The following PPP2R5C variants were observed in gnomAD, a reference collection of about 807,000 sequenced individuals.
PPP2R5C encodes the protein serine/threonine-protein phosphatase 2A 56 kDa regulatory subunit gamma isoform.
A neutral mutation model predicts 68.9 loss-of-function variants in PPP2R5C; 7 were observed. The observed-to-expected ratio is 0.10, with a 90% CI of 0.06 to 0.19. The LOEUF (loss-of-function observed/expected upper bound fraction) is 0.19, where lower values mean the gene tolerates loss of function less well. PPP2R5C is among the 10% of genes least tolerant of loss of function. The pLI is 1.00. For missense variants in PPP2R5C, 348 were observed against 641.3 expected (o/e 0.54, Z 4.94); for synonymous variants, 210 against 222.2 (o/e 0.95, Z 0.49).
chr14:101,778,252 A>G (rs766202753), intron 2 of PPP2R5C, among the ~76,000 whole-genome samples: 2 of 151,926 alleles, frequency 1.3e-5, no homozygotes, highest in Non-Finnish European at 1.5e-5. Flanking sequence ...TCCTTTGCCC[A>G]TTTTTTAATC....
intron 1 of PPP2R5C, among the ~76,000 whole-genome samples, chr14:101,852,003 C>T (rs556247836): frequency 2.2e-4 from 34 of 152,222 alleles, no homozygotes; most frequent in East Asian, 9.6e-4. Context: ...CTGTGGTATT[C>T]GCCGTTTAGG....
At position 101,906,760 on chromosome 14, in the gene PPP2R5C, C is replaced by T; in HGVS notation, c.1151+231C>T. On this transcript the variant is annotated intron_variant, in intron 10 of 13. Transcript: ENST00000334743. This position sits in a 1 kb window ranked among gnomAD's most constrained non-coding sequence, Gnocchi z 4.0. The stretch of plus-strand genomic sequence containing the variant: ...GTATAGAGGCACATTGGTTTGCAGC[C>T]ACCTCCCAGTAGCAGCAGTTTCTAG... The T allele has an allele frequency of 2.0e-6, 1 of 487,970 alleles. No individual in the cohort carries two copies. Among genetic ancestry groups the T allele is most frequent in the Non-Finnish European group, 3.5e-6 (1 of 282,492 alleles). 30.2% of individuals were successfully genotyped at this position (487,970 alleles called of 1,614,324 possible).
At chr14:101,777,165 T>C (rs181079109) in intron 2 of PPP2R5C, among the ~76,000 whole-genome samples, 172 of 152,184 alleles carry the variant, frequency 1.1e-3, no homozygotes, top group Non-Finnish European at 9.6e-4. Context: ...TTATAGCTAA[T>C]ATTCTATTGT....
chr14:101,799,524 TC>T (rs1281331759), intron 3 of PPP2R5C, among the ~76,000 whole-genome samples: 1 of 152,122 alleles, frequency 6.6e-6, no homozygotes, highest in Non-Finnish European at 1.5e-5. Flanking sequence ...GTCTAGCCCC[TC>T]CCTGAGCAGG....
intron 2 of PPP2R5C, among the ~76,000 whole-genome samples, chr14:101,776,545 C>A (rs539161227): frequency 1.3e-5 from 2 of 152,318 alleles, no homozygotes; most frequent in Non-Finnish European, 2.9e-5. Flanking sequence ...CCTCCCAAAG[C>A]GTGTGTGTCT....
intron 1 of PPP2R5C, chr14:101,818,185 A>G (rs1227091054): frequency 6.6e-6 from 1 of 152,230 alleles, no homozygotes; most frequent in African/African-American, 2.4e-5. Flanking sequence ...TTCAGAGTAT[A>G]CTTAATGCTC....
chr14:101,861,975 C>T (rs765733728), intron 2 of PPP2R5C, among the ~76,000 whole-genome samples: 6 of 152,178 alleles, frequency 3.9e-5, no homozygotes, highest in Admixed American at 6.5e-5. Context: ...TGCAGTGGCA[C>T]AGTCATAGCC....
At chr14:101,925,695 C>T (rs1269020517) in exon 14 of PPP2R5C, 1 of 154,758 alleles carries the variant, frequency 6.5e-6, no homozygotes, top group African/African-American at 2.4e-5. Flanking sequence ...TAAGACTTTA[C>T]AGCCTTTGAA....
chr14:101,816,263 G>A (rs2039661363), intron 1 of PPP2R5C, among the ~76,000 whole-genome samples: 2 of 152,142 alleles, frequency 1.3e-5, no homozygotes, highest in African/African-American at 4.8e-5. Context: ...TCCGCTCCCT[G>A]TCACACTGGA....
At chr14:101,821,854 G>C (rs1384621143) in intron 1 of PPP2R5C, among the ~76,000 whole-genome samples, 3 of 152,230 alleles carry the variant, frequency 2.0e-5, no homozygotes, top group South Asian at 2.1e-4. Context: ...TTACAGGTGT[G>C]ATGACCGGGC....
chr14:101,843,371 C>T, intron 1 of PPP2R5C: 1 of 201,818 alleles, frequency 5.0e-6, no homozygotes, highest in Non-Finnish European at 1.0e-5. Flanking sequence ...TAAGATGGAA[C>T]ATTTTTAACT....
intron 1 of PPP2R5C, chr14:101,823,840 A>G: frequency 8.4e-7 from 1 of 1,195,196 alleles, no homozygotes; most frequent in Non-Finnish European, 1.1e-6. Context: ...TTCTGCTCTC[A>G]GCTTTTTACA....
intron 2 of PPP2R5C, among the ~76,000 whole-genome samples, chr14:101,868,877 C>A (rs1397498053): frequency 6.6e-6 from 1 of 152,178 alleles, no homozygotes; most frequent in Non-Finnish European, 1.5e-5. Context: ...TTCCGCACCA[C>A]AGTCAGGATA....
intron 8 of PPP2R5C, among the ~76,000 whole-genome samples, chr14:101,897,961 C>A (rs1254261782): frequency 6.6e-6 from 1 of 151,838 alleles, no homozygotes; most frequent in Admixed American, 6.6e-5. Flanking sequence ...TTGAGACCAG[C>A]CTGGGAAACA....
chr14:101,919,980 A>AAAAAAAAACAAAC (rs1555403926), intron 13 of PPP2R5C, among the ~76,000 whole-genome samples: 2 of 114,144 alleles, frequency 1.8e-5, no homozygotes, highest in Admixed American at 8.6e-5. Context: ...AAAAAAAAAA[A>AAAAAAAAACAAAC]AAAAAAAAAA....
chr14:101,821,481 G>T (rs921802561), intron 1 of PPP2R5C, among the ~76,000 whole-genome samples: 2 of 151,552 alleles, frequency 1.3e-5, no homozygotes, highest in African/African-American at 4.9e-5. Context: ...GTGTGTGTGT[G>T]TGTATTTATC....
At chr14:101,760,578 C>A (rs994319588), upstream of PPP2R5C, 2 of 563,552 alleles carry the variant, frequency 3.5e-6, no homozygotes, top group Non-Finnish European at 4.4e-6. Flanking sequence ...GCGGCAAAAG[C>A]TGCGGAGGGC....
chr14:101,823,409 A>G (rs2040203422), intron 1 of PPP2R5C, among the ~76,000 whole-genome samples: 1 of 152,192 alleles, frequency 6.6e-6, no homozygotes, highest in Non-Finnish European at 1.5e-5. Flanking sequence ...GTTTTTCAAA[A>G]TAGTTTAGCC....
At chr14:101,865,879 G>T (rs914980000) in intron 2 of PPP2R5C, among the ~76,000 whole-genome samples, 1 of 152,090 alleles carries the variant, frequency 6.6e-6, no homozygotes, top group East Asian at 1.9e-4. Flanking sequence ...TCTAATTCTC[G>T]CTCCAGACTC....
Sources: allele counts gnomAD v4.1 joint callset (sites outside exome capture counted in the v4.1 genomes callset), GRCh38; gene constraint gnomAD v4.1.1; non-coding constraint Gnocchi (gnomAD v3.1); transcripts MANE v1.5; gene names NCBI Gene and HGNC (gene_info 2026-07-23, HGNC 2026-07-21).